Variants in DLG2 observed in about 807,000 individuals in gnomAD.
DLG2 encodes disks large homolog 2.
A neutral mutation model predicts 132.5 loss-of-function variants in DLG2; 45 were observed. The ratio of observed to expected loss-of-function variants is 0.34; its 90% CI spans 0.27 to 0.44. The LOEUF (loss-of-function observed/expected upper bound fraction) is 0.44. DLG2 is among the 20% of genes least tolerant of loss of function. The pLI, the probability that DLG2 is intolerant of heterozygous loss-of-function variation, is 1.00. For synonymous variants in DLG2, 424 were observed against 419.6 expected (o/e 1.01, Z -0.13); for missense variants, 1,045 against 1,196.9 (o/e 0.87, Z 1.87).
chr11:85,021,302 C>T (rs1409780524), intron 6 of DLG2: 6 of 1,257,474 alleles, frequency 4.8e-6, no homozygotes, highest in Admixed American at 1.7e-5. Context: ...TCATAATAAT[C>T]CCACTGAAAG....
At chr11:83,785,945 T>C (rs1188626958) in intron 18 of DLG2, among the ~76,000 whole-genome samples, 2 of 152,202 alleles carry the variant, frequency 1.3e-5, no homozygotes, top group African/African-American at 4.8e-5. Flanking sequence ...AATAACAAGA[T>C]CTGACCCATA....
At chr11:84,749,564 T>C (rs745757776) in intron 6 of DLG2, among the ~76,000 whole-genome samples, 26 of 152,240 alleles carry the variant, frequency 1.7e-4, no homozygotes, top group Admixed American at 5.9e-4. Context: ...GAGCAGTGGG[T>C]CATACCATGT....
At chr11:85,518,665 G>A (rs2094216546) in intron 3 of DLG2, among the ~76,000 whole-genome samples, 1 of 152,158 alleles carries the variant, frequency 6.6e-6, no homozygotes, top group South Asian at 2.1e-4. Flanking sequence ...ATTTGCATAA[G>A]CAACAAGGAG....
chr11:84,398,340 A>G (rs185533731), intron 7 of DLG2, among the ~76,000 whole-genome samples: 1 of 152,286 alleles, frequency 6.6e-6, no homozygotes, highest in East Asian at 1.9e-4. Context: ...GTCAAGAAAC[A>G]GGAGAAAGAG....
chr11:83,525,940 G>T (rs1310017323), intron 21 of DLG2, among the ~76,000 whole-genome samples: 2 of 151,464 alleles, frequency 1.3e-5, no homozygotes, highest in Non-Finnish European at 2.9e-5. Flanking sequence ...ACAATAGTAG[G>T]CTCTGCTACC....
At chr11:83,486,777 T>C (rs2093541250) in intron 21 of DLG2, among the ~76,000 whole-genome samples, 1 of 152,082 alleles carries the variant, frequency 6.6e-6, no homozygotes, top group South Asian at 2.1e-4. Flanking sequence ...TATTGGTGGT[T>C]ACATTTCCTT....
chr11:84,933,784 A>G (rs926840961), intron 6 of DLG2, among the ~76,000 whole-genome samples: 6 of 152,186 alleles, frequency 3.9e-5, no homozygotes, highest in African/African-American at 7.2e-5. Context: ...GGTTTTCTAG[A>G]TATAAGATCA....
chr11:84,662,654 G>A (rs968747061), intron 6 of DLG2, among the ~76,000 whole-genome samples: 8 of 151,866 alleles, frequency 5.3e-5, no homozygotes, highest in Non-Finnish European at 7.4e-5. Flanking sequence ...AGGCATGGTG[G>A]CATGCACCTG....
At chr11:84,714,194 A>G (rs1421603066) in intron 6 of DLG2, among the ~76,000 whole-genome samples, 1 of 146,306 alleles carries the variant, frequency 6.8e-6, no homozygotes, top group African/African-American at 2.6e-5. Context: ...AAAAACATAT[A>G]CCAAAATGGT....
At chr11:84,392,521 A>C (rs1199554811) in intron 7 of DLG2, among the ~76,000 whole-genome samples, 2 of 152,198 alleles carry the variant, frequency 1.3e-5, no homozygotes, top group Non-Finnish European at 2.9e-5. Flanking sequence ...TACGATGTTC[A>C]AGGAATGTGA....
chr11:83,468,869 C>A (rs2091595069), intron 25 of DLG2, among the ~76,000 whole-genome samples: 1 of 152,078 alleles, frequency 6.6e-6, no homozygotes, highest in African/African-American at 2.4e-5. Flanking sequence ...CTTCCTCTAA[C>A]AAAATAATTC....
intron 6 of DLG2, among the ~76,000 whole-genome samples, chr11:85,010,841 A>G (rs2059093790): frequency 6.6e-6 from 1 of 152,118 alleles, no homozygotes; most frequent in Admixed American, 6.6e-5. Flanking sequence ...AAAACCATCC[A>G]CTCACCTTTT....
At chr11:85,462,484 A>T (rs2092648400) in intron 3 of DLG2, among the ~76,000 whole-genome samples, 1 of 152,208 alleles carries the variant, frequency 6.6e-6, no homozygotes, top group South Asian at 2.1e-4. Context: ...AAAAATGATG[A>T]GTTCATGTCC....
chr11:84,414,481 G>A (rs572457936), intron 7 of DLG2, among the ~76,000 whole-genome samples: 4 of 152,198 alleles, frequency 2.6e-5, no homozygotes, highest in East Asian at 3.9e-4. Flanking sequence ...GACGAACTTG[G>A]ACCATCTTAA....
chr11:84,660,511 GA>G (rs1013154823), intron 6 of DLG2, among the ~76,000 whole-genome samples: 2 of 152,098 alleles, frequency 1.3e-5, no homozygotes, highest in Non-Finnish European at 2.9e-5. Context: ...CTCTTTTAAG[GA>G]AGTAAATATG....
intron 4 of DLG2, among the ~76,000 whole-genome samples, chr11:85,254,851 A>G (rs2076583874): frequency 6.6e-6 from 1 of 152,012 alleles, no homozygotes; most frequent in African/African-American, 2.4e-5. Flanking sequence ...ATACAAAAAA[A>G]TTAATTAGGC....
intron 3 of DLG2, among the ~76,000 whole-genome samples, chr11:85,500,656 T>C (rs286532): frequency 1 from 152,154 of 152,180 alleles, 76,064 homozygotes; most frequent in Middle Eastern, 1. Context: ...CATGAGTGAA[T>C]TCCCATTCAC....
chr11:84,106,982 GT>G (rs1566528553), intron 9 of DLG2, among the ~76,000 whole-genome samples: 19 of 57,728 alleles, frequency 3.3e-4, no homozygotes, highest in African/African-American at 4.0e-4. Flanking sequence ...GCCTTAGGGT[GT>G]GTGTGTGTGT....
rs567426400 is a variant in DLG2 at position 83,853,806 on chromosome 11, A to C, written c.1566-20036T>G. On this transcript the variant is annotated intron_variant, in intron 16 of 27. Transcript: ENST00000376104. Reference sequence around the variant, plus strand: ...GGTAAAAAAAACTTGAAGCTTTCCCACTAAGATCAGAAACAAGGCAAGAAT... The same window carrying C: ...GGTAAAAAAAACTTGAAGCTTTCCCCCTAAGATCAGAAACAAGGCAAGAAT... Among the ~76,000 whole-genome samples, 3 of 152,228 alleles carry C rather than the reference A, an allele frequency of 2.0e-5. No homozygotes were observed. In the East Asian group the frequency reaches 5.8e-4, roughly 29 times the overall value.
Sources: allele counts gnomAD v4.1 joint callset (sites outside exome capture counted in the v4.1 genomes callset), GRCh38; gene constraint gnomAD v4.1.1; transcripts MANE v1.5; gene names NCBI Gene and HGNC (gene_info 2026-07-23, HGNC 2026-07-21).